Variants in BDP1 observed in about 807,000 individuals in gnomAD.
BDP1 encodes transcription factor TFIIIB component B'' homolog.
A neutral mutation model predicts 266.6 loss-of-function variants in BDP1; 169 were observed. That is an observed-to-expected ratio of 0.63 (90% CI 0.56 to 0.72). The LOEUF is 0.72. Ranked by LOEUF, BDP1 falls within the 30% of genes least tolerant of loss-of-function variation. BDP1 has a pLI of 0.00. For missense variants in BDP1, 3,015 were observed against 3,053.8 expected (o/e 0.99, Z 0.30); for synonymous variants, 1,090 against 1,022.4 (o/e 1.07, Z -1.26).
At chr5:71,574,088 A>T in the BDP1 span, among the ~76,000 whole-genome samples, 1 of 152,228 alleles carries the variant, frequency 6.6e-6, no homozygotes, top group Non-Finnish European at 1.5e-5. Flanking sequence ...ACTGAGCTTC[A>T]TCGATCTACA....
chr5:71,517,741 A>T (rs781728063), intron 22 of BDP1, among the ~76,000 whole-genome samples: 8 of 152,146 alleles, frequency 5.3e-5, no homozygotes, highest in South Asian at 2.1e-4. Flanking sequence ...TTAATAGTAG[A>T]CAAAGATTCT....
intron 38 of BDP1, among the ~76,000 whole-genome samples, chr5:71,564,112 T>C (rs1368881496): frequency 6.6e-6 from 1 of 152,190 alleles, no homozygotes; most frequent in African/African-American, 2.4e-5. Flanking sequence ...ATTTATTTAA[T>C]AATACAATAA....
intron 5 of BDP1, among the ~76,000 whole-genome samples, chr5:71,466,720 G>A (rs1761931186): frequency 6.6e-6 from 1 of 151,920 alleles, no homozygotes; most frequent in African/African-American, 2.4e-5. Flanking sequence ...TTTGCACATT[G>A]GGCATTGTGG....
chr5:71,531,706 G>T (rs189410366), intron 25 of BDP1, among the ~76,000 whole-genome samples: 2 of 151,710 alleles, frequency 1.3e-5, no homozygotes, highest in Non-Finnish European at 2.9e-5. Flanking sequence ...ATGGGGCTTC[G>T]CTGTGTTGGC....
chr5:71,498,687 G>C (rs1224630089), intron 13 of BDP1, among the ~76,000 whole-genome samples: 9 of 149,308 alleles, frequency 6.0e-5, no homozygotes, highest in Non-Finnish European at 1.0e-4. Context: ...GCCTCCCAAA[G>C]TGCTGGGATT....
At chr5:71,553,063 G>A (rs1742964928) in intron 34 of BDP1, 53 bp from the exon 35 acceptor site, 1 of 1,356,168 alleles carries the variant, frequency 7.4e-7, no homozygotes, top group East Asian at 2.3e-5. Context: ...AAAAAAAAAA[G>A]TGTTAAATAA....
chr5:71,492,784 T>A (rs919252356), intron 11 of BDP1, among the ~76,000 whole-genome samples: 17 of 152,326 alleles, frequency 1.1e-4, no homozygotes, highest in Admixed American at 9.8e-4. Flanking sequence ...ATACTTTTGG[T>A]GTCATATCTA....
chr5:71,562,103 C>T (rs1297150686), intron 37 of BDP1, among the ~76,000 whole-genome samples, 171 bp from the exon 38 acceptor site: 1 of 141,908 alleles, frequency 7.0e-6, no homozygotes, highest in African/African-American at 2.6e-5. Context: ...GAGGCTGAAG[C>T]AGGAGAATCT....
At chr5:71,491,759 G>C (rs7714527) in intron 11 of BDP1, among the ~76,000 whole-genome samples, 118,627 of 152,062 alleles carry the variant, frequency 0.78, 47,003 homozygotes, top group East Asian at 0.88. Context: ...TCTCTGTCAC[G>C]CAGGCTGGAG....
chr5:71,522,533 G>A (rs1306654833), intron 23 of BDP1, 43 bp downstream of exon 23: 1 of 1,493,760 alleles, frequency 6.7e-7, no homozygotes, highest in Admixed American at 2.1e-5. Flanking sequence ...TTTTCTCAAT[G>A]AGGTCTGTTT....
rs937586326 is a variant in BDP1, at chr5:71,510,081, A to G, written c.2989A>G (p.Asn997Asp). ...TGRRKISPRENGPEEVKPVDE... is the reference protein window; with the variant it reads ...TGRRKISPREDGPEEVKPVDE... ...AAGAAGAAAAATATCCCCAAGGGAA[A>G]ATGGCCCAGAGGAGGTCAAGCCTGT... The change falls in exon 17 of 39, where the codon AAT (asparagine) becomes GAT (aspartate). Residue 997 changes from asparagine to aspartate, a missense_variant. Around this residue, in one of 3 missense-constraint regions of BDP1, gnomAD observed 2,383 missense variants for 2,404.9 expected, o/e 0.99. Coordinates refer to ENST00000358731, the MANE Select transcript of BDP1 (RefSeq NM_018429.3). The G allele has an allele frequency of 1.9e-6, 3 of 1,613,706 alleles. No individual in the cohort carries two copies. Among genetic ancestry groups the G allele is most frequent in the Non-Finnish European group, 2.5e-6 (3 of 1,179,956 alleles).
rs745550617 is a variant in BDP1, at chr5:71,524,006, T to C, written c.5455T>C (p.Ser1819Pro). 6.8e-6 allele frequency: 11 copies of C among 1,614,156 alleles called. No individual in the cohort carries two copies. The highest frequency in any genetic ancestry group is 9.3e-6 in the Non-Finnish European group (11 of 1,179,994). Reference sequence around the variant, plus strand: ...CCTGGATGGGAAAACAACTATCTCTTCTACATCTGAGTATGAGAGAAATCG... The same window carrying C: ...CCTGGATGGGAAAACAACTATCTCTCCTACATCTGAGTATGAGAGAAATCG... Reference protein sequence around the residue: ...IALDGKTTISSTSEYERNRGE... With the variant: ...IALDGKTTISPTSEYERNRGE... Residue 1819 changes from serine (S) to proline (P), a missense_variant, in exon 25 of 39, where the codon TCT becomes CCT. Ser to Pro is a moderately conservative substitution (Grantham distance 74). Around this residue, in one of 3 missense-constraint regions of BDP1, gnomAD observed 2,383 missense variants for 2,404.9 expected, o/e 0.99. Transcript: ENST00000358731.
At chr5:71,523,353 C>T (rs573251654) in intron 24 of BDP1, among the ~76,000 whole-genome samples, 108 of 152,248 alleles carry the variant, frequency 7.1e-4, no homozygotes, top group Middle Eastern at 3.4e-3. Flanking sequence ...TCACTCTTCT[C>T]GCGCAGGCTG....
Position 71,489,625 on chromosome 5 carries a change from A to C in BDP1, c.1435A>C (p.Asn479His). 6.2e-7 allele frequency: 1 copy of C among 1,614,126 alleles called. No homozygotes were observed. The highest frequency in any genetic ancestry group is 8.5e-7 in the Non-Finnish European group (1 of 1,180,008). ...TGGAGCTAATGAACTGGGAGTAAACAATCTTTTAGAAAATGCCACTGTTCA... is the reference window on the plus strand; with the variant it reads ...TGGAGCTAATGAACTGGGAGTAAACCATCTTTTAGAAAATGCCACTGTTCA... ...QDGANELGVN[N>H]LLENATVQAG... Residue 479 changes from asparagine (N) to histidine (H), a missense_variant, in exon 10 of 39, where the codon AAT (asparagine) becomes CAT (histidine). By Grantham distance (68) the Asn-to-His change is moderately conservative. Transcript: ENST00000358731.
intron 32 of BDP1, 48 bp downstream of exon 32, chr5:71,545,267 A>G: frequency 1.3e-6 from 2 of 1,489,452 alleles, no homozygotes; most frequent in Non-Finnish European, 1.8e-6. Context: ...GTTTTCCTCC[A>G]TTTAAAAAAA....
At chr5:71,534,441 A>G (rs887160365) in intron 26 of BDP1, among the ~76,000 whole-genome samples, 8 of 152,134 alleles carry the variant, frequency 5.3e-5, no homozygotes, top group Admixed American at 2.6e-4. Context: ...GCATAGATCT[A>G]TATGTCTGTT....
intron 26 of BDP1, chr5:71,537,773 C>G (rs1418830736): frequency 5.9e-6 from 1 of 168,586 alleles, no homozygotes; most frequent in African/African-American, 2.4e-5. Flanking sequence ...GTTTAGCTGA[C>G]AGTCATACTA....
chr5:71,468,553 G>A (rs1191976501), intron 6 of BDP1, among the ~76,000 whole-genome samples: 2 of 149,318 alleles, frequency 1.3e-5, no homozygotes, highest in African/African-American at 4.9e-5. Context: ...GTTCCTCTCT[G>A]TCAAATCTCT....
chr5:71,493,597 A>C (rs1292276534), intron 11 of BDP1, among the ~76,000 whole-genome samples: 2 of 152,240 alleles, frequency 1.3e-5, no homozygotes, highest in Non-Finnish European at 2.9e-5. Context: ...TTTGGAAAAC[A>C]AAGAGTTGAT....
Sources: gnomAD v4.1 joint callset for allele counts (sites outside exome capture counted in the v4.1 genomes callset) on GRCh38, gnomAD v4.1.1 for gene constraint, gnomAD v4.1.1 regional missense constraint, MANE v1.5 for transcripts, NCBI Gene and HGNC (gene_info 2026-07-23, HGNC 2026-07-21) for gene names.